Variants in WDR12 observed in about 807,000 individuals in gnomAD.
WDR12 encodes the protein ribosome biogenesis protein WDR12.
WDR12 carries 42 observed loss-of-function variants against 64.3 expected under a neutral mutation model. That is an observed-to-expected ratio of 0.65 (90% confidence interval 0.51 to 0.84). The LOEUF (loss-of-function observed/expected upper bound fraction) is 0.84. Among genes scored for constraint, WDR12 ranks in the 40% least tolerant of loss-of-function variants. The pLI is 0.00. For synonymous variants in WDR12, 158 were observed against 173.3 expected (o/e 0.91, Z 0.70); for missense variants, 469 against 494.6 (o/e 0.95, Z 0.49).
chr2:202,894,354 C>T (rs187612897), intron 7 of WDR12, among the ~76,000 whole-genome samples: 186 of 152,182 alleles, frequency 1.2e-3, no homozygotes, highest in African/African-American at 4.3e-3. Context: ...GGAGCTAGGA[C>T]TACCGGTGCA....
Position 202,890,548 on chromosome 2 carries a change from T to C in WDR12, c.741+2069A>G, listed in dbSNP as rs577807167. ...ACTTTGGGAGGCCGAGGCGGGTGGA[T>C]CACGAGGTCAGGAGATCGAGACCAT... is the stretch of plus-strand genomic sequence containing the variant. On this transcript the variant is annotated intron_variant, in intron 8 of 12. Coordinates refer to ENST00000261015, the MANE Select transcript of WDR12 (RefSeq NM_018256.4). 1.3e-4 allele frequency among the ~76,000 whole-genome samples: 20 copies of C among 152,066 alleles called. No homozygotes were observed. The South Asian group carries it at 3.9e-3, about 30-fold the overall frequency.
At position 202,880,818 on chromosome 2, in the gene WDR12, C is replaced by A. The variant is rs371872615; in HGVS notation, c.*42G>T. ...TAATTTCATGGTTCTCTACCAATTT[C>A]ATTTACAGAAATAATCTCTATAGTC... is the stretch of plus-strand genomic sequence containing the variant. On this transcript the variant is annotated 3_prime_UTR_variant, in exon 13 of 13. Transcript: ENST00000261015. 114 of 1,561,482 alleles carry A rather than the reference C, an allele frequency of 7.3e-5. No homozygotes were observed. The African/African-American group carries it at 1.4e-3, about 20-fold the overall frequency.
At chr2:202,896,985 A>G (rs765560340) in intron 5 of WDR12, among the ~76,000 whole-genome samples, 2 of 152,096 alleles carry the variant, frequency 1.3e-5, no homozygotes, top group Non-Finnish European at 2.9e-5. Context: ...AGACTATCTC[A>G]AAAACAAAAC....
chr2:202,893,403 A>G (rs1688187145), intron 7 of WDR12, among the ~76,000 whole-genome samples: 2 of 152,170 alleles, frequency 1.3e-5, no homozygotes, highest in Admixed American at 1.3e-4. Context: ...AGCTAATCAT[A>G]TACAATCTCA....
chr2:202,903,301 A>C (rs2105911104), intron 2 of WDR12, among the ~76,000 whole-genome samples: 1 of 152,280 alleles, frequency 6.6e-6, no homozygotes, highest in African/African-American at 2.4e-5. Context: ...ACTTCAACAT[A>C]ATAAAATTCA....
rs551182812 is a variant in WDR12, at chr2:202,884,435, C to T, written c.842G>A (p.Arg281Lys). Residue 281 changes from arginine to lysine, a missense_variant, in exon 9 of 13, where the codon AGA becomes AAA. Transcript: ENST00000261015. ...ICSASWDHTI[R>K]VWDVESGSLK... ...ACTGCCAGACTCAACATCCCACACT[C>T]TAATTGTATGGTCCCAAGATGCACT... 1.2e-5 allele frequency: 20 copies of T among 1,614,196 alleles called. No individual in the cohort carries two copies. In the East Asian group the frequency reaches 4.5e-4, roughly 36 times the overall value.
In WDR12 at chr2:202,908,388, G is replaced by A. The variant is rs144975638; in HGVS notation, c.42-429C>T. Among the ~76,000 whole-genome samples the A allele has an allele frequency of 5.7e-3, 864 of 152,282 alleles. 12 individuals carry two copies. Among genetic ancestry groups the A allele is most frequent in the African/African-American group, 0.019 (809 of 41,548 alleles). ...GAGGACTGCCTGAGCCCAGGAGGTC[G>A]AGGCTGCAGTGAGCTGAGATTATAC... On this transcript the variant is annotated intron_variant, in intron 1 of 12. Coordinates refer to ENST00000261015, the MANE Select transcript of WDR12 (RefSeq NM_018256.4).
intron 2 of WDR12, among the ~76,000 whole-genome samples, chr2:202,903,722 G>A (rs967677372): frequency 5.3e-5 from 8 of 151,976 alleles, no homozygotes; most frequent in South Asian, 2.1e-4. Context: ...TGCTAACAGC[G>A]AACAATCAGA....
At position 202,892,612 on chromosome 2, in the gene WDR12, C is replaced by G. The variant is rs765057657; in HGVS notation, c.741+5G>C. The G allele has an allele frequency of 6.2e-7, 1 of 1,609,192 alleles. No individual in the cohort carries two copies. Among genetic ancestry groups the G allele is most frequent in the Non-Finnish European group, 8.5e-7 (1 of 1,176,304 alleles). On this transcript the variant is annotated splice_donor_5th_base_variant and intron_variant, in intron 8 of 12. Coordinates refer to ENST00000261015, the MANE Select transcript of WDR12 (RefSeq NM_018256.4). The stretch of plus-strand genomic sequence containing the variant: ...CAAGTACAGTCAGTTCTCACAAATA[C>G]TGACCCTTGTTAGTCCCAACTGTTC...
chr2:202,901,007 A>G lies in WDR12; in HGVS notation c.231+18T>C, dbSNP rs369112716. The G allele has an allele frequency of 3.8e-6, 6 of 1,559,874 alleles. No individual in the cohort carries two copies. Among genetic ancestry groups the G allele is most frequent in the South Asian group, 2.4e-5 (2 of 83,444 alleles). On this transcript the variant is annotated intron_variant, in intron 3 of 12. Coordinates refer to ENST00000261015, the MANE Select transcript of WDR12 (RefSeq NM_018256.4). ...TAATGCCTCAAGTGAAATACAGAAG[A>G]TAAGAATTTGAACTTACTGATGAGA... is the stretch of plus-strand genomic sequence containing the variant.
intron 4 of WDR12, among the ~76,000 whole-genome samples, chr2:202,899,100 T>C (rs2351521): frequency 7.7e-6 from 1 of 129,174 alleles, no homozygotes; most frequent in African/African-American, 2.8e-5. Context: ...TTGAGTGCAG[T>C]GGGGCCATCT....
At position 202,899,032 on chromosome 2, in the gene WDR12, G is replaced by GTTTTTTTTT. The variant is rs779419072; in HGVS notation, c.338+490_338+498dup. Among the ~76,000 whole-genome samples, 13 of 73,674 alleles carry GTTTTTTTTT rather than the reference G, an allele frequency of 1.8e-4. 1 individual carries two copies. Among genetic ancestry groups the GTTTTTTTTT allele is most frequent in the African/African-American group, 7.0e-4 (13 of 18,514 alleles). The allele number at this position is 73,674 out of a possible 152,430, so 48.3% of individuals were successfully genotyped here. On this transcript the variant is annotated intron_variant, in intron 4 of 12. Transcript: ENST00000261015. ...GAGTACCTATTAATAAATACCTGTG[G>GTTTTTTTTT]TTTTTTTTTTTTTTTTTTTTTTTTT... is the stretch of plus-strand genomic sequence containing the variant.
At chr2:202,910,041 G>A (rs932851251) in intron 1 of WDR12, among the ~76,000 whole-genome samples, 9 of 151,956 alleles carry the variant, frequency 5.9e-5, no homozygotes, top group African/African-American at 2.2e-4. Context: ...AGCGATTTGC[G>A]TTCCTCAGCC....
intron 8 of WDR12, among the ~76,000 whole-genome samples, chr2:202,889,750 TTA>T (rs916122135): frequency 5.2e-5 from 7 of 134,250 alleles, no homozygotes; most frequent in Admixed American, 7.5e-5. Context: ...CCCCATCTCT[TTA>T]AAAAAAAAAA....
intron 2 of WDR12, among the ~76,000 whole-genome samples, chr2:202,904,437 A>T (rs560151744): frequency 6.6e-6 from 1 of 152,306 alleles, no homozygotes; most frequent in Admixed American, 6.5e-5. Context: ...CCTGACTTCA[A>T]ATTATACTAC....
chr2:202,896,232 G>A lies in WDR12; in HGVS notation c.455-13C>T. 3 of 1,609,752 alleles carry A rather than the reference G, an allele frequency of 1.9e-6. No individual in the cohort carries two copies. Among genetic ancestry groups the A allele is most frequent in the Non-Finnish European group, 2.5e-6 (3 of 1,178,712 alleles). ...CAGGACAAACTATCTGGAGAAAGGA[G>A]AACACAAGAATAAGAAACAAATCAG... On this transcript the variant is annotated splice_polypyrimidine_tract_variant and intron_variant, in intron 5 of 12. Coordinates refer to ENST00000261015, the MANE Select transcript of WDR12 (RefSeq NM_018256.4).
rs1226218688 is a variant in WDR12 at position 202,878,955 on chromosome 2, A to C, written c.*1905T>G. The C allele has an allele frequency of 6.6e-6, 1 of 152,122 alleles. No homozygotes were observed. 9.4% of individuals were successfully genotyped at this position (152,122 alleles called of 1,614,324 possible). A position where few individuals can be genotyped will look rare whatever the true frequency, so the allele number is the denominator to read the frequency against. On this transcript the variant is annotated 3_prime_UTR_variant, in exon 13 of 13. Transcript: ENST00000261015. The stretch of plus-strand genomic sequence containing the variant: ...CTGTAGAATGTTTAATACTGATGAA[A>C]GGTTTTGTCTAAAAAATTTATTCTA...
intron 2 of WDR12, among the ~76,000 whole-genome samples, chr2:202,904,138 CAAAAAA>C (rs34378996): frequency 5.2e-5 from 2 of 38,534 alleles, no homozygotes; most frequent in South Asian, 1.1e-3. Context: ...AACTCTGTCT[CAAAAAA>C]AAAAAAAAAA....
Position 202,896,194 on chromosome 2 carries a change from A to G in WDR12, c.480T>C (p.Ser160=), listed in dbSNP as rs1371626615. ...AGAGAATAGTCTGATCCATAGAAGCACTCAATAATAAGCAGGACAAACTAT... is the reference window on the plus strand; with the variant it reads ...AGAGAATAGTCTGATCCATAGAAGCGCTCAATAATAAGCAGGACAAACTAT... ...KKDSLSCLLL[S]ASMDQTILLW... Residue 160 remains serine (S), a synonymous_variant, in exon 6 of 13, where the codon AGT becomes AGC. Coordinates refer to ENST00000261015, the MANE Select transcript of WDR12 (RefSeq NM_018256.4). 4 of 1,613,832 alleles carry G rather than the reference A, an allele frequency of 2.5e-6. No individual in the cohort carries two copies. Among genetic ancestry groups the G allele is most frequent in the Non-Finnish European group, 3.4e-6 (4 of 1,179,990 alleles).
Sources: gnomAD v4.1 joint callset for allele counts (sites outside exome capture counted in the v4.1 genomes callset) on GRCh38, gnomAD v4.1.1 for gene constraint, MANE v1.5 for transcripts, NCBI Gene and HGNC (gene_info 2026-07-23, HGNC 2026-07-21) for gene names.